Variants in PXDNL observed in about 807,000 individuals in gnomAD.
The protein encoded by PXDNL is probable oxidoreductase PXDNL.
PXDNL carries 145 observed loss-of-function variants against 150.8 expected under a neutral mutation model. The observed-to-expected ratio is 0.96, with a 90% confidence interval of 0.84 to 1.10. The LOEUF is 1.10. Ranked by LOEUF, PXDNL falls within the 50% of genes least tolerant of loss-of-function variation. PXDNL has a pLI of 0.00. For missense variants in PXDNL, 2,087 were observed against 1,873.9 expected, an observed-to-expected ratio of 1.11 and a Z score of -2.10; for synonymous variants, 757 against 725.7, an observed-to-expected ratio of 1.04 and a Z score of -0.69.
At chr8:51,336,391 G>T (rs894911280) in intron 21 of PXDNL, among the ~76,000 whole-genome samples, 3 of 152,170 alleles carry the variant, frequency 2.0e-5, no homozygotes, top group Non-Finnish European at 4.4e-5. Flanking sequence ...TCCTTCTCCA[G>T]CTAACAGGCT....
intron 1 of PXDNL, among the ~76,000 whole-genome samples, chr8:51,667,593 C>T (rs1387940281): frequency 6.6e-6 from 1 of 152,144 alleles, no homozygotes; most frequent in Non-Finnish European, 1.5e-5. Flanking sequence ...AACTTCTCAT[C>T]CAAAGAGCTA....
chr8:51,430,125 C>T (rs1809215883), intron 12 of PXDNL, among the ~76,000 whole-genome samples: 1 of 152,160 alleles, frequency 6.6e-6, no homozygotes, highest in African/African-American at 2.4e-5. Flanking sequence ...ACAACAGTTG[C>T]TCATTACCAC....
At chr8:51,496,942 T>C (rs902069152) in intron 5 of PXDNL, among the ~76,000 whole-genome samples, 4 of 152,038 alleles carry the variant, frequency 2.6e-5, no homozygotes, top group Non-Finnish European at 4.4e-5. Context: ...TACTTTAAAG[T>C]TCATATAGAA....
In PXDNL at chr8:51,716,289, G is replaced by A. The variant is rs1301023834; in HGVS notation, c.165-61529C>T. Among the ~76,000 whole-genome samples the A allele has an allele frequency of 3.3e-5, 5 of 152,158 alleles. 1 individual carries two copies. Among genetic ancestry groups the A allele is most frequent in the Non-Finnish European group, 2.9e-5 (2 of 68,014 alleles). ...GATATTTCTTGACAGCTGTACCTTG[G>A]AGCCATTGCATTTCTGGCAGCCTTG... On this transcript the variant is annotated intron_variant, in intron 1 of 22. Coordinates refer to ENST00000356297, the MANE Select transcript of PXDNL (RefSeq NM_144651.5).
chr8:51,711,573 AG>A (rs564452505), intron 1 of PXDNL, among the ~76,000 whole-genome samples: 9 of 152,378 alleles, frequency 5.9e-5, no homozygotes, highest in African/African-American at 2.2e-4. Context: ...ATTATGAAAA[AG>A]AAATAATACA....
Position 51,320,828 on chromosome 8 carries a change from C to T in PXDNL, c.4216G>A (p.Glu1406Lys), listed in dbSNP as rs755986290. Residue 1406 changes from glutamate to lysine, a missense_variant, in exon 22 of 23, where the codon GAG becomes AAG. Physicochemically the swap from Glu to Lys is moderately conservative, Grantham distance 56. Coordinates refer to ENST00000356297, the MANE Select transcript of PXDNL (RefSeq NM_144651.5). ...CAGTCTTCTTTCATCCAGCGCTCCTCGGCCTTCCTTGGAACCCCTCTAACA... is the reference window on the plus strand; with the variant it reads ...CAGTCTTCTTTCATCCAGCGCTCCTTGGCCTTCCTTGGAACCCCTCTAACA... ...TDVRGVPRKA[E>K]ERWMKEDCTH... The T allele has an allele frequency of 2.6e-5, 42 of 1,613,836 alleles. No individual in the cohort carries two copies. The Admixed American group carries it at 2.8e-4, about 11-fold the overall frequency.
chr8:51,518,902 G>A (rs1468307828), intron 4 of PXDNL, among the ~76,000 whole-genome samples: 1 of 152,156 alleles, frequency 6.6e-6, no homozygotes, highest in African/African-American at 2.4e-5. Context: ...AGGCACAAGT[G>A]AAGGAAGAAG....
intron 1 of PXDNL, among the ~76,000 whole-genome samples, chr8:51,696,852 C>CAT (rs1201268131): frequency 9.4e-6 from 1 of 105,942 alleles, no homozygotes; most frequent in Non-Finnish European, 2.0e-5. Context: ...TCCTGACACA[C>CAT]ACACAGGTCC....
chr8:51,762,123 ATTTT>A (rs939383534), intron 1 of PXDNL, among the ~76,000 whole-genome samples: 3 of 152,046 alleles, frequency 2.0e-5, no homozygotes, highest in African/African-American at 7.2e-5. Context: ...TAGAGCTCTG[ATTTT>A]TTTTATCTTG....
chr8:51,693,739 C>G (rs373238730), intron 1 of PXDNL, among the ~76,000 whole-genome samples: 1 of 152,148 alleles, frequency 6.6e-6, no homozygotes, highest in Non-Finnish European at 1.5e-5. Flanking sequence ...CACTGCACTC[C>G]GCCCTGGGTG....
chr8:51,658,216 C>T (rs994543262), intron 1 of PXDNL, among the ~76,000 whole-genome samples: 1 of 151,690 alleles, frequency 6.6e-6, no homozygotes, highest in Non-Finnish European at 1.5e-5. Context: ...GTGGTACACA[C>T]CTGTGGTTGT....
chr8:51,402,367 T>C (rs561050499), intron 17 of PXDNL, among the ~76,000 whole-genome samples: 2 of 151,850 alleles, frequency 1.3e-5, no homozygotes, highest in African/African-American at 2.4e-5. Context: ...CTCTACCAAA[T>C]ATACAACCAG....
intron 1 of PXDNL, among the ~76,000 whole-genome samples, chr8:51,739,377 G>A (rs958593898): frequency 5.9e-5 from 9 of 152,020 alleles, no homozygotes; most frequent in South Asian, 2.1e-4. Flanking sequence ...GAGTGTCACC[G>A]CTTTTATTCA....
chr8:51,331,269 G>A (rs112848661), intron 21 of PXDNL, among the ~76,000 whole-genome samples: 11 of 152,308 alleles, frequency 7.2e-5, no homozygotes, highest in East Asian at 3.9e-4. Context: ...GCTGAGTTGA[G>A]TTAGAGAGCC....
intron 17 of PXDNL, among the ~76,000 whole-genome samples, chr8:51,381,100 T>C (rs1188953585): frequency 1.3e-5 from 2 of 152,198 alleles, no homozygotes; most frequent in South Asian, 2.1e-4. Context: ...TGCCTCGTAC[T>C]GTTATTGTTT....
At position 51,408,797 on chromosome 8, in the gene PXDNL, C is replaced by G; in HGVS notation, c.2827G>C (p.Glu943Gln). The G allele has an allele frequency of 4.5e-6, 7 of 1,570,926 alleles. No homozygotes were observed. Among genetic ancestry groups the G allele is most frequent in the Non-Finnish European group, 6.0e-6 (7 of 1,159,248 alleles). Residue 943 changes from glutamate (E) to glutamine (Q), a missense_variant, in exon 17 of 23, where the codon GAG (glutamate) becomes CAG (glutamine). Physicochemically the swap from Glu to Gln is conservative, Grantham distance 29 (BLOSUM62 2). Coordinates refer to ENST00000356297, the MANE Select transcript of PXDNL (RefSeq NM_144651.5). Reference protein sequence around the residue: ...LLPFSTGPPTECARQEQESPC... With the variant: ...LLPFSTGPPTQCARQEQESPC... Reference sequence around the variant, plus strand: ...CTCTCCTGCTCCTGTCGCGCGCACTCGGTGGGTGGGCCTGTAGAAAAGGGC... The same window carrying G: ...CTCTCCTGCTCCTGTCGCGCGCACTGGGTGGGTGGGCCTGTAGAAAAGGGC...
chr8:51,715,140 C>T (rs1263546889), intron 1 of PXDNL, among the ~76,000 whole-genome samples: 1 of 152,176 alleles, frequency 6.6e-6, no homozygotes, highest in Non-Finnish European at 1.5e-5. Context: ...TTTTTTAAAA[C>T]TCTGACAACT....
At chr8:51,393,596 G>A (rs7010110) in intron 17 of PXDNL, among the ~76,000 whole-genome samples, 22,531 of 152,272 alleles carry the variant, frequency 0.15, 2,250 homozygotes, top group East Asian at 0.3. Context: ...GATGTCCATG[G>A]CCTAATCTTT....
In PXDNL at chr8:51,453,467, T is replaced by A. The variant is rs994855256; in HGVS notation, c.1249+52A>T. 5.1e-6 allele frequency: 8 copies of A among 1,568,420 alleles called. No individual in the cohort carries two copies. The Admixed American group carries it at 8.5e-5, about 17-fold the overall frequency. On this transcript the variant is annotated intron_variant, in intron 10 of 22. Transcript: ENST00000356297. Reference sequence around the variant, plus strand: ...GACATTATTTAAGTTGAAAAATAATTTTCTGAGTGTGGCAGGAGGAACATT... The same window carrying A: ...GACATTATTTAAGTTGAAAAATAATATTCTGAGTGTGGCAGGAGGAACATT...
Sources: gnomAD v4.1 joint callset for allele counts (sites outside exome capture counted in the v4.1 genomes callset) on GRCh38, gnomAD v4.1.1 for gene constraint, MANE v1.5 for transcripts, NCBI Gene and HGNC (gene_info 2026-07-23, HGNC 2026-07-21) for gene names.